Variants in RPTOR observed in about 807,000 individuals in gnomAD.
The protein encoded by RPTOR is regulatory-associated protein of mTOR.
Under a neutral mutation model 169.9 loss-of-function variants are expected in RPTOR, and 21 were observed. The ratio of observed to expected loss-of-function variants is 0.12; its 90% CI spans 0.09 to 0.18. The LOEUF (loss-of-function observed/expected upper bound fraction) is 0.18. Among genes scored for constraint, RPTOR ranks in the 10% least tolerant of loss-of-function variants. RPTOR has a pLI of 1.00. For synonymous variants in RPTOR, 732 were observed against 753.2 expected (o/e 0.97, Z 0.46); for missense variants, 1,133 against 1,855.9 (o/e 0.61, Z 7.16).
intron 4 of RPTOR, among the ~76,000 whole-genome samples, chr17:80,719,968 C>T (rs796538653): frequency 1.3e-4 from 19 of 151,886 alleles, no homozygotes; most frequent in African/African-American, 4.6e-4. Context: ...AAATAGATGC[C>T]TCTTGTGTTG....
chr17:80,767,332 C>A (rs1359728838), intron 6 of RPTOR, among the ~76,000 whole-genome samples: 1 of 152,156 alleles, frequency 6.6e-6, no homozygotes, highest in Non-Finnish European at 1.5e-5. Context: ...GATCACGTCA[C>A]TGTGGTCCAG....
intron 13 of RPTOR, among the ~76,000 whole-genome samples, chr17:80,871,700 C>T (rs1410358168): frequency 2.0e-5 from 3 of 152,168 alleles, no homozygotes; most frequent in Non-Finnish European, 4.4e-5. Context: ...AAATATAGTT[C>T]TTTTAATTTC....
intron 5 of RPTOR, among the ~76,000 whole-genome samples, chr17:80,752,898 G>A (rs1397007818): frequency 6.6e-6 from 1 of 152,178 alleles, no homozygotes; most frequent in Admixed American, 6.5e-5. Flanking sequence ...GTGCATTTTA[G>A]TAGTAAACAA....
chr17:80,836,303 A>G (rs1422572085), intron 9 of RPTOR, among the ~76,000 whole-genome samples: 3 of 152,228 alleles, frequency 2.0e-5, no homozygotes, highest in Non-Finnish European at 4.4e-5. Flanking sequence ...CTGCTCATGC[A>G]CAGAGGGTGC....
intron 2 of RPTOR, among the ~76,000 whole-genome samples, chr17:80,637,698 C>T (rs1182543105): frequency 6.6e-6 from 1 of 152,178 alleles, no homozygotes; most frequent in Admixed American, 6.5e-5. Flanking sequence ...TTTTGTGTGC[C>T]AGCTAATGGT....
intron 22 of RPTOR, 40 bp from the exon 23 acceptor site, chr17:80,923,448 ACT>A (rs771538638): frequency 5.0e-6 from 8 of 1,610,952 alleles, no homozygotes; most frequent in Admixed American, 1.7e-5. Context: ...GAAGCCCCAG[ACT>A]CTGCAGAGGA....
intron 25 of RPTOR, among the ~76,000 whole-genome samples, chr17:80,943,472 C>T (rs1267476496): frequency 6.6e-6 from 1 of 152,224 alleles, no homozygotes; most frequent in African/African-American, 2.4e-5. Flanking sequence ...CGGAGTCCTG[C>T]TGGTGCACTT....
intron 23 of RPTOR, chr17:80,924,066 C>T: frequency 3.8e-6 from 1 of 265,872 alleles, no homozygotes; most frequent in Non-Finnish European, 7.2e-6. Context: ...CGCTTGGGGG[C>T]AGCTGCACTG....
chr17:80,681,453 TCAGGGGCAC>T (rs2065897193), intron 3 of RPTOR, among the ~76,000 whole-genome samples: 1 of 152,104 alleles, frequency 6.6e-6, no homozygotes, highest in African/African-American at 2.4e-5. Context: ...AGGTGACAGT[TCAGGGGCAC>T]CTCGCGCTGT....
chr17:80,791,585 T>C lies in RPTOR; in HGVS notation c.890+76T>C, dbSNP rs2067049656. On this transcript the variant is annotated intron_variant, in intron 7 of 33. Coordinates refer to ENST00000306801, the MANE Select transcript of RPTOR (RefSeq NM_020761.3). ...TTTCCTTTTTGAAGGCTCTTGCTTC[T>C]CAGAAGTACTTTCTATCAACATGGC... 4.7e-6 allele frequency: 6 copies of C among 1,280,894 alleles called. No individual in the cohort carries two copies. In the Admixed American group the frequency reaches 1.0e-4, roughly 22 times the overall value. The allele number at this position is 1,280,894 out of a possible 1,614,324, so 79.3% of individuals were successfully genotyped here.
At chr17:80,841,192 A>C (rs1438026499) in intron 10 of RPTOR, among the ~76,000 whole-genome samples, 39 of 101,192 alleles carry the variant, frequency 3.9e-4, no homozygotes, top group Non-Finnish European at 6.2e-4. Flanking sequence ...GCTCACACTC[A>C]CCGCACGGCA....
chr17:80,588,124 A>G (rs2065076942), intron 1 of RPTOR, among the ~76,000 whole-genome samples: 1 of 149,784 alleles, frequency 6.7e-6, no homozygotes, highest in East Asian at 1.9e-4. Flanking sequence ...ATGGCTGAGT[A>G]GTATTCCATG....
intron 17 of RPTOR, among the ~76,000 whole-genome samples, chr17:80,889,112 C>T (rs981829891): frequency 8.5e-5 from 13 of 152,222 alleles, no homozygotes; most frequent in African/African-American, 1.7e-4. Context: ...GCAGGGACGG[C>T]GCAGGAGGGA....
intron 1 of RPTOR, among the ~76,000 whole-genome samples, chr17:80,575,569 CACGTGTGCAT>C (rs1211510889): frequency 1.3e-5 from 2 of 152,154 alleles, no homozygotes; most frequent in Non-Finnish European, 2.9e-5. Flanking sequence ...GCTGTGTGCA[CACGTGTGCAT>C]ACATGCATGC....
intron 20 of RPTOR, among the ~76,000 whole-genome samples, chr17:80,902,872 G>T (rs1391154929): frequency 6.6e-6 from 1 of 152,316 alleles, no homozygotes; most frequent in African/African-American, 2.4e-5. Flanking sequence ...CCTGCGTCTC[G>T]GCCAGAGTCC....
intron 24 of RPTOR, 64 bp downstream of exon 24, chr17:80,925,544 G>A: frequency 1.5e-6 from 2 of 1,304,212 alleles, no homozygotes; most frequent in South Asian, 1.2e-5. Flanking sequence ...CCACTTCTTT[G>A]AGCATAAACG....
At chr17:80,744,727 C>T (rs76360445) in intron 5 of RPTOR, among the ~76,000 whole-genome samples, 3 of 2,470 alleles carry the variant, frequency 1.2e-3, no homozygotes, top group African/African-American at 2.2e-3. Flanking sequence ...ACTGTCCTGG[C>T]TACTAGCACT....
At chr17:80,876,865 G>A (rs1343657344) in intron 13 of RPTOR, among the ~76,000 whole-genome samples, 1 of 133,628 alleles carries the variant, frequency 7.5e-6, no homozygotes, top group East Asian at 2.3e-4. Context: ...TGTGTGTGTC[G>A]CCTGCTGGGT....
chr17:80,819,808 G>A (rs2067360873), intron 7 of RPTOR, among the ~76,000 whole-genome samples: 1 of 152,226 alleles, frequency 6.6e-6, no homozygotes, highest in South Asian at 2.1e-4. Flanking sequence ...TGCAGTATCA[G>A]TCACTCAATC....
Sources: gnomAD v4.1 joint callset for allele counts (sites outside exome capture counted in the v4.1 genomes callset) on GRCh38, gnomAD v4.1.1 for gene constraint, MANE v1.5 for transcripts, NCBI Gene and HGNC (gene_info 2026-07-23, HGNC 2026-07-21) for gene names.